The following RNF144A variants were observed in gnomAD, a reference collection of about 807,000 sequenced individuals.
RNF144A encodes the protein E3 ubiquitin-protein ligase RNF144A.
Under a neutral mutation model 38.7 loss-of-function variants are expected in RNF144A, and 11 were observed. The observed-to-expected ratio is 0.28, with a 90% CI of 0.18 to 0.47. The LOEUF is 0.47. Among genes scored for constraint, RNF144A ranks in the 20% least tolerant of loss-of-function variants. RNF144A has a pLI of 0.99. For synonymous variants in RNF144A, 149 were observed against 143.9 expected (o/e 1.04, Z -0.25); for missense variants, 316 against 377.2 (o/e 0.84, Z 1.34).
intron 1 of RNF144A, chr2:6,933,144 A>G (rs1380670215): frequency 6.6e-6 from 1 of 152,252 alleles, no homozygotes; most frequent in African/African-American, 2.4e-5. Flanking sequence ...TAAGAAAACA[A>G]TCCTAGACTT....
intron 1 of RNF144A, among the ~76,000 whole-genome samples, chr2:6,921,178 G>A (rs1664515043): frequency 6.6e-6 from 1 of 152,204 alleles, no homozygotes; most frequent in Non-Finnish European, 1.5e-5. Flanking sequence ...TTGCTGATAG[G>A]AGCCTTCACC....
downstream of RNF144A, among the ~76,000 whole-genome samples, chr2:7,045,636 C>T (rs1269499906): frequency 1.3e-5 from 2 of 152,218 alleles, no homozygotes; most frequent in African/African-American, 4.8e-5. Flanking sequence ...TGCAAAGACC[C>T]TATTTACAAA....
At chr2:7,036,941 A>G (rs1672720798) in intron 8 of RNF144A, among the ~76,000 whole-genome samples, 1 of 152,204 alleles carries the variant, frequency 6.6e-6, no homozygotes, top group Non-Finnish European at 1.5e-5. Context: ...AATGGTTTGC[A>G]GAAAGAGTGT....
intron 8 of RNF144A, among the ~76,000 whole-genome samples, chr2:7,034,203 C>T (rs1435866275): frequency 1.3e-5 from 2 of 151,404 alleles, no homozygotes; most frequent in African/African-American, 4.9e-5. Context: ...TCTTTGAAGG[C>T]AGAAGTTGCA....
chr2:6,922,220 C>T (rs531220255), intron 1 of RNF144A, among the ~76,000 whole-genome samples: 34 of 148,968 alleles, frequency 2.3e-4, no homozygotes, highest in African/African-American at 7.4e-4. Context: ...CCATGTCTTC[C>T]GAGTGACCCA....
chr2:6,958,019 G>C lies in RNF144A; in HGVS notation c.-12+16872G>C, dbSNP rs577406667. On this transcript the variant is annotated intron_variant, in intron 2 of 8. Transcript: ENST00000320892. The surrounding 1 kb of genome is among the most constrained non-coding windows in gnomAD (Gnocchi z 4.5). ...CAGTTAGGCAACGACAGAATGGGGT[G>C]GGGGAGTCGGGATGGAGCTCCAGGG... Among the ~76,000 whole-genome samples the C allele has an allele frequency of 7.9e-5, 12 of 152,350 alleles. No individual in the cohort carries two copies. Among genetic ancestry groups the C allele is most frequent in the Admixed American group, 7.2e-4 (11 of 15,306 alleles).
chr2:7,003,522 T>C (rs962791481), intron 3 of RNF144A, among the ~76,000 whole-genome samples: 1 of 152,262 alleles, frequency 6.6e-6, no homozygotes, highest in East Asian at 1.9e-4. Context: ...TTCAGTACAG[T>C]GGCACAGCAC....
Position 7,000,132 on chromosome 2 carries a change from C to T in RNF144A, c.135+3071C>T, listed in dbSNP as rs1572372626. On this transcript the variant is annotated intron_variant, in intron 3 of 8. Transcript: ENST00000320892. ...TGCCTGGTGGATTCTTCGTGATTCT[C>T]TGGAGGTCACAAGAGCCTGTGCACA... Among the ~76,000 whole-genome samples, 4 of 152,202 alleles carry T rather than the reference C, an allele frequency of 2.6e-5. No individual in the cohort carries two copies. In the East Asian group the frequency reaches 7.7e-4, roughly 29 times the overall value.
Position 6,961,441 on chromosome 2 carries a change from C to T in RNF144A, c.-12+20294C>T, listed in dbSNP as rs115479966. The stretch of plus-strand genomic sequence containing the variant: ...TGAACTACTCTTTTACAGACCTGCA[C>T]TGAGTGCCTTCTGTGTCCAGGGCAC... On this transcript the variant is annotated intron_variant, in intron 2 of 8. Transcript: ENST00000320892. 6.7e-3 allele frequency among the ~76,000 whole-genome samples: 1,011 copies of T among 151,864 alleles called. 12 individuals carry two copies. Among genetic ancestry groups the T allele is most frequent in the African/African-American group, 0.023 (935 of 41,372 alleles).
intron 7 of RNF144A, among the ~76,000 whole-genome samples, chr2:7,025,145 T>C (rs1229569599): frequency 6.6e-6 from 1 of 152,208 alleles, no homozygotes; most frequent in Non-Finnish European, 1.5e-5. Context: ...TATGCTCTGC[T>C]TCAGTGTTTC....
chr2:7,039,844 A>G lies in RNF144A; in HGVS notation c.*84A>G, dbSNP rs866422684. 87 of 1,547,626 alleles carry G rather than the reference A, an allele frequency of 5.6e-5. 2 individuals carry two copies. The Middle Eastern group carries it at 3.3e-3, about 59-fold the overall frequency. ...CTCCCCACCGTCCCCCCTTCACTAA[A>G]CATCTTTCTTGCCTTATGTGCCCCA... On this transcript the variant is annotated 3_prime_UTR_variant, in exon 9 of 9. Coordinates refer to ENST00000320892, the MANE Select transcript of RNF144A (RefSeq NM_014746.6).
At chr2:7,004,897 C>T (rs952417941) in intron 3 of RNF144A, among the ~76,000 whole-genome samples, 8 of 152,152 alleles carry the variant, frequency 5.3e-5, no homozygotes, top group African/African-American at 1.2e-4. Flanking sequence ...TAAATGTTGG[C>T]ACATAATGGC....
the RNF144A span, among the ~76,000 whole-genome samples, chr2:7,074,097 A>T: frequency 6.6e-6 from 1 of 152,224 alleles, no homozygotes; most frequent in African/African-American, 2.4e-5. Flanking sequence ...CAGAGCCCAT[A>T]TCAATGCCTT....
At position 6,991,267 on chromosome 2, in the gene RNF144A, C is replaced by T. The variant is rs73914453; in HGVS notation, c.-11-5649C>T. 5.1e-3 allele frequency among the ~76,000 whole-genome samples: 779 copies of T among 152,246 alleles called. 5 individuals carry two copies. Among genetic ancestry groups the T allele is most frequent in the African/African-American group, 0.018 (738 of 41,558 alleles). ...CATCTGCTTGGGAGGAGACAGCGTCCAAGTACTTTCCTAAAGCGTCATGAA... is the reference window on the plus strand; with the variant it reads ...CATCTGCTTGGGAGGAGACAGCGTCTAAGTACTTTCCTAAAGCGTCATGAA... On this transcript the variant is annotated intron_variant, in intron 2 of 8. Transcript: ENST00000320892.
At chr2:6,961,356 C>T (rs6719631) in intron 2 of RNF144A, among the ~76,000 whole-genome samples, 3,712 of 151,866 alleles carry the variant, frequency 0.024, 157 homozygotes, top group African/African-American at 0.086. Flanking sequence ...GGGGTGGAGG[C>T]GTTTTATTTT....
chr2:7,072,395 C>T (rs1674516273), downstream of RNF144A, among the ~76,000 whole-genome samples: 1 of 152,210 alleles, frequency 6.6e-6, no homozygotes, highest in Non-Finnish European at 1.5e-5. Context: ...GGCCTGGTTT[C>T]TCTTTGCTGC....
intron 5 of RNF144A, among the ~76,000 whole-genome samples, chr2:7,016,747 A>G (rs1444479396): frequency 2.0e-5 from 3 of 152,124 alleles, no homozygotes; most frequent in East Asian, 3.9e-4. Flanking sequence ...AAGATCAGAA[A>G]GCAAATTTTG....
At chr2:7,013,674 A>G (rs1670957739) in intron 3 of RNF144A, among the ~76,000 whole-genome samples, 1 of 152,196 alleles carries the variant, frequency 6.6e-6, no homozygotes, top group Admixed American at 6.5e-5. Flanking sequence ...TGCTGTTTAT[A>G]ATATGCTTTT....
intron 3 of RNF144A, among the ~76,000 whole-genome samples, chr2:7,004,684 C>T (rs963027690): frequency 5.9e-5 from 9 of 152,174 alleles, no homozygotes; most frequent in Non-Finnish European, 1.2e-4. Context: ...AGCTCCATTG[C>T]GGATGCTCCT....
Sources: gnomAD v4.1 joint callset for allele counts (sites outside exome capture counted in the v4.1 genomes callset) on GRCh38, gnomAD v4.1.1 for gene constraint, Gnocchi (gnomAD v3.1) non-coding constraint, MANE v1.5 for transcripts, NCBI Gene and HGNC (gene_info 2026-07-23, HGNC 2026-07-21) for gene names.